The following GCH1 variants were observed in gnomAD, a reference collection of about 807,000 sequenced individuals.
The protein encoded by GCH1 is GTP cyclohydrolase 1.
A neutral mutation model predicts 25.9 loss-of-function variants in GCH1; 5 were observed. The ratio of observed to expected loss-of-function variants is 0.19; its 90% CI spans 0.10 to 0.41. The LOEUF (loss-of-function observed/expected upper bound fraction) is 0.41. Among genes scored for constraint, GCH1 ranks in the 10% least tolerant of loss-of-function variants. GCH1 has a pLI of 1.00. For synonymous variants in GCH1, 159 were observed against 129.6 expected, an observed-to-expected ratio of 1.23 and a Z score of -1.54; for missense variants, 261 against 336.5, an observed-to-expected ratio of 0.78 and a Z score of 1.75.
chr14:54,843,485 G>A lies in GCH1; in HGVS notation c.*532C>T, dbSNP rs991713950. ...ACCTTCCCTTGGTGACTAACATTAC[G>A]ACTGCTAAAAATATATTTTTAAATG... On this transcript the variant is annotated 3_prime_UTR_variant, in exon 6 of 6. Transcript: ENST00000491895. The A allele has an allele frequency of 7.2e-6, 9 of 1,258,060 alleles. No individual in the cohort carries two copies. The highest frequency in any genetic ancestry group is 9.0e-6 in the Non-Finnish European group (9 of 1,000,656). The allele number at this position is 1,258,060 out of a possible 1,614,324, so 77.9% of individuals were successfully genotyped here. A position where few individuals can be genotyped will look rare whatever the true frequency, so the allele number is the denominator to read the frequency against.
chr14:54,892,553 G>A (rs1010300569), intron 1 of GCH1, among the ~76,000 whole-genome samples: 4 of 152,120 alleles, frequency 2.6e-5, no homozygotes, highest in African/African-American at 9.7e-5. Flanking sequence ...GCCAGGCATG[G>A]TGGTGGGCAC....
chr14:54,865,014 TA>T (rs1396371977), intron 2 of GCH1, among the ~76,000 whole-genome samples: 1 of 145,960 alleles, frequency 6.9e-6, no homozygotes, highest in East Asian at 2.0e-4. Context: ...AAATAAAGGT[TA>T]AAGGTTTTCA....
At position 54,843,210 on chromosome 14, in the gene GCH1, G is replaced by A; in HGVS notation, c.*807C>T. On this transcript the variant is annotated 3_prime_UTR_variant, in exon 6 of 6. Transcript: ENST00000491895. ...TATAAAGTTAAAACTGAGCTGACTA[G>A]TTATTTGCAGTGTGAGTACTAAGTC... The A allele has an allele frequency of 7.0e-7, 1 of 1,435,940 alleles. No individual in the cohort carries two copies. Among genetic ancestry groups the A allele is most frequent in the Non-Finnish European group, 9.1e-7 (1 of 1,099,974 alleles). 88.9% of individuals were successfully genotyped at this position (1,435,940 alleles called of 1,614,324 possible). A position where few individuals can be genotyped will look rare whatever the true frequency, so the allele number is the denominator to read the frequency against.
intron 1 of GCH1, among the ~76,000 whole-genome samples, chr14:54,871,291 A>G (rs1341158717): frequency 1.3e-5 from 2 of 152,234 alleles, no homozygotes; most frequent in Non-Finnish European, 2.9e-5. Flanking sequence ...GAGGGTCCTG[A>G]CTGTTAGAAG....
chr14:54,891,520 G>C (rs534250491), intron 1 of GCH1, among the ~76,000 whole-genome samples: 6 of 147,856 alleles, frequency 4.1e-5, no homozygotes, highest in African/African-American at 1.5e-4. Context: ...AGTGATTCTC[G>C]TGCCTCAGCC....
Position 54,852,045 on chromosome 14 carries a change from C to T in GCH1, c.510-4915G>A, listed in dbSNP as rs575675443. Among the ~76,000 whole-genome samples, 5 of 152,276 alleles carry T rather than the reference C, an allele frequency of 3.3e-5. No homozygotes were observed. The East Asian group carries it at 9.6e-4, about 29-fold the overall frequency. ...CCTCAGGTGATCTGCCCGCCTTGGCCTCCCAAAGTGCTGAGATTACAGGCG... is the reference window on the plus strand; with the variant it reads ...CCTCAGGTGATCTGCCCGCCTTGGCTTCCCAAAGTGCTGAGATTACAGGCG... On this transcript the variant is annotated intron_variant, in intron 3 of 5. Coordinates refer to ENST00000491895, the MANE Select transcript of GCH1 (RefSeq NM_000161.3).
chr14:54,851,446 T>C (rs1233933644), intron 3 of GCH1, among the ~76,000 whole-genome samples: 1 of 152,126 alleles, frequency 6.6e-6, no homozygotes, highest in Non-Finnish European at 1.5e-5. Context: ...ACCTACAGAA[T>C]GGGAGAAAAT....
chr14:54,896,390 C>T (rs1403701157), intron 1 of GCH1, among the ~76,000 whole-genome samples: 4 of 152,098 alleles, frequency 2.6e-5, no homozygotes, highest in African/African-American at 7.2e-5. Context: ...TGGTCCAAGA[C>T]CCCACCACAT....
intron 3 of GCH1, among the ~76,000 whole-genome samples, chr14:54,856,390 C>T (rs1185103052): frequency 2.0e-5 from 3 of 152,184 alleles, no homozygotes; most frequent in Non-Finnish European, 4.4e-5. Context: ...ACAGGTCAGC[C>T]ATGGCTACCT....
chr14:54,900,312 T>C (rs1406037871), intron 1 of GCH1, among the ~76,000 whole-genome samples: 1 of 151,810 alleles, frequency 6.6e-6, no homozygotes, highest in Non-Finnish European at 1.5e-5. Context: ...TGGGTTCAAG[T>C]GATTCTCCTG....
chr14:54,880,721 C>CAT (rs1312367158), intron 1 of GCH1, among the ~76,000 whole-genome samples: 1 of 36,656 alleles, frequency 2.7e-5, no homozygotes, highest in African/African-American at 2.3e-4. Context: ...TATATATACT[C>CAT]ATATATATAT....
At position 54,891,405 on chromosome 14, in the gene GCH1, ATT is replaced by A. The variant is rs538686624; in HGVS notation, c.343+10914_343+10915del. On this transcript the variant is annotated intron_variant, in intron 1 of 5. Transcript: ENST00000491895. ...ACAGGCATGAGCCATCATGCCTGGC[ATT>A]TTTTTTTTTTTTTTTTTTTTTAAAC... is the stretch of plus-strand genomic sequence containing the variant. 3.4e-3 allele frequency among the ~76,000 whole-genome samples: 376 copies of A among 109,012 alleles called. 2 individuals carry two copies. Among genetic ancestry groups the A allele is most frequent in the Middle Eastern group, 0.024 (5 of 206 alleles). The allele number at this position is 109,012 out of a possible 152,430, so 71.5% of individuals were successfully genotyped here.
At chr14:54,894,628 G>C (rs2040462155) in intron 1 of GCH1, among the ~76,000 whole-genome samples, 2 of 152,134 alleles carry the variant, frequency 1.3e-5, no homozygotes, top group African/African-American at 2.4e-5. Flanking sequence ...ATTGTTTATA[G>C]ATAATCCATT....
intron 1 of GCH1, among the ~76,000 whole-genome samples, chr14:54,891,963 T>C (rs1440323961): frequency 1.3e-5 from 2 of 152,200 alleles, no homozygotes. Flanking sequence ...AATTCAGTTA[T>C]GCCAAAGAGA....
At chr14:54,884,039 C>A (rs1248292360) in intron 1 of GCH1, among the ~76,000 whole-genome samples, 4 of 152,198 alleles carry the variant, frequency 2.6e-5, no homozygotes, top group Non-Finnish European at 1.5e-5. Context: ...CATCCTACAA[C>A]CAACTCATTA....
intron 1 of GCH1, among the ~76,000 whole-genome samples, chr14:54,896,638 A>C (rs941772494): frequency 1.4e-4 from 22 of 151,894 alleles, no homozygotes; most frequent in South Asian, 6.2e-4. Context: ...CTCGGCCGGG[A>C]GCGGTGGCTC....
At chr14:54,870,819 C>T (rs1007832224) in intron 1 of GCH1, among the ~76,000 whole-genome samples, 1 of 152,202 alleles carries the variant, frequency 6.6e-6, no homozygotes, top group Non-Finnish European at 1.5e-5. Flanking sequence ...CCGCCATTGC[C>T]GAGGCTTGAG....
chr14:54,859,895 G>A lies in GCH1; in HGVS notation c.454-159C>T, dbSNP rs191229940. On this transcript the variant is annotated intron_variant, in intron 2 of 5. Coordinates refer to ENST00000491895, the MANE Select transcript of GCH1 (RefSeq NM_000161.3). ...CTGGAACTGTTAAGACTTAGAAAAT[G>A]AAACATTTATATATGTATTTTTAAA... Among the ~76,000 whole-genome samples, 3 of 152,116 alleles carry A rather than the reference G, an allele frequency of 2.0e-5. No homozygotes were observed. The East Asian group carries it at 5.8e-4, about 29-fold the overall frequency.
chr14:54,859,761 T>C (rs2140063563), intron 2 of GCH1, 25 bp from the exon 3 acceptor site: 1 of 1,382,100 alleles, frequency 7.2e-7, no homozygotes, highest in Non-Finnish European at 1.0e-6. Context: ...CGGAAATCAT[T>C]AGCTGAGTGA....
Sources: allele counts gnomAD v4.1 joint callset (sites outside exome capture counted in the v4.1 genomes callset), GRCh38; gene constraint gnomAD v4.1.1; transcripts MANE v1.5; gene names NCBI Gene and HGNC (gene_info 2026-07-23, HGNC 2026-07-21).